Variants in RASGRF1 observed in about 807,000 individuals in gnomAD.
The protein encoded by RASGRF1 is Ras protein specific guanine nucleotide releasing factor 1, also known as ras-specific guanine nucleotide-releasing factor 1.
Under a neutral mutation model 138.7 loss-of-function variants are expected in RASGRF1, and 40 were observed. The observed-to-expected ratio is 0.29, with a 90% CI of 0.22 to 0.38. RASGRF1 has a LOEUF of 0.38. Among genes scored for constraint, RASGRF1 ranks in the 10% least tolerant of loss-of-function variants. RASGRF1 has a pLI of 1.00. For missense variants in RASGRF1, 1,108 were observed against 1,650.4 expected (o/e 0.67, Z 5.69); for synonymous variants, 614 against 663.2 (o/e 0.93, Z 1.14).
At chr15:78,978,481 T>C (rs1260477759) in intron 24 of RASGRF1, 2 of 960,986 alleles carry the variant, frequency 2.1e-6, no homozygotes, top group Non-Finnish European at 2.5e-6. Flanking sequence ...CACCTCGGCC[T>C]CCTAAAGTGC....
chr15:79,022,695 A>T (rs1192010046), intron 10 of RASGRF1, among the ~76,000 whole-genome samples: 2 of 152,172 alleles, frequency 1.3e-5, no homozygotes, highest in African/African-American at 2.4e-5. Flanking sequence ...ATTTGGTTAA[A>T]ACAGAAGTAT....
chr15:78,997,756 A>G (rs1003738472), intron 19 of RASGRF1, among the ~76,000 whole-genome samples: 5 of 138,546 alleles, frequency 3.6e-5, no homozygotes, highest in Admixed American at 7.2e-5. Context: ...AAAAAAAAAG[A>G]TTTAAATAGC....
intron 14 of RASGRF1, chr15:79,005,040 GC>G: frequency 1.0e-6 from 1 of 985,544 alleles, no homozygotes; most frequent in African/African-American, 1.7e-5. Flanking sequence ...TGTCTGCTGG[GC>G]CCCTGGGAAT....
At chr15:79,053,134 G>A (rs570785010) in intron 3 of RASGRF1, among the ~76,000 whole-genome samples, 6 of 152,100 alleles carry the variant, frequency 3.9e-5, no homozygotes, top group African/African-American at 7.2e-5. Flanking sequence ...GTGTGGTGGC[G>A]CACACCTGTA....
chr15:78,987,674 C>T (rs145368568), intron 22 of RASGRF1, among the ~76,000 whole-genome samples: 6,142 of 152,000 alleles, frequency 0.04, 195 homozygotes, highest in African/African-American at 0.074. Flanking sequence ...CCAGCCTGGG[C>T]GACAGAGGGA....
chr15:79,045,207 G>A (rs1332975946), intron 5 of RASGRF1, among the ~76,000 whole-genome samples: 1 of 152,308 alleles, frequency 6.6e-6, no homozygotes, highest in Non-Finnish European at 1.5e-5. Flanking sequence ...GCACCTGCAA[G>A]CTTGTTGGAA....
chr15:79,029,546 G>A (rs536992891), intron 8 of RASGRF1, among the ~76,000 whole-genome samples: 1 of 152,098 alleles, frequency 6.6e-6, no homozygotes, highest in South Asian at 2.1e-4. Flanking sequence ...GGAGTTTCAA[G>A]GTCGCGAGGC....
Position 79,051,301 on chromosome 15 carries a change from G to A in RASGRF1, c.532-1713C>T, listed in dbSNP as rs531469756. On this transcript the variant is annotated intron_variant, in intron 3 of 26. Coordinates refer to ENST00000558480, the MANE Select transcript of RASGRF1 (RefSeq NM_001145648.3). The stretch of plus-strand genomic sequence containing the variant: ...GGTTGCTAAAATTACCGCAGCCTGT[G>A]ATTGAAGAGTGGCTGAAAATATCTA... Among the ~76,000 whole-genome samples the A allele has an allele frequency of 3.3e-5, 5 of 152,336 alleles. No homozygotes were observed. The South Asian group carries it at 1.0e-3, about 32-fold the overall frequency.
intron 1 of RASGRF1, among the ~76,000 whole-genome samples, chr15:79,089,888 G>T (rs540522603): frequency 1.6e-4 from 24 of 152,322 alleles, no homozygotes; most frequent in South Asian, 4.1e-4. Context: ...TTGGCTGGAC[G>T]TGTGTCCAGA....
intron 26 of RASGRF1, among the ~76,000 whole-genome samples, chr15:78,963,897 A>G (rs2055594147): frequency 6.6e-6 from 1 of 152,208 alleles, no homozygotes; most frequent in African/African-American, 2.4e-5. Flanking sequence ...TAGTAGTGTC[A>G]TGTGAACAGT....
chr15:79,004,623 C>T, intron 14 of RASGRF1: 1 of 987,804 alleles, frequency 1.0e-6, no homozygotes, highest in Non-Finnish European at 1.2e-6. Flanking sequence ...CTGATGCCTC[C>T]TACTCTAAAC....
intron 8 of RASGRF1, among the ~76,000 whole-genome samples, chr15:79,029,447 G>A (rs1057350083): frequency 2.0e-5 from 3 of 152,282 alleles, no homozygotes; most frequent in Non-Finnish European, 4.4e-5. Flanking sequence ...AGCAGCTGCA[G>A]TTTACACATT....
intron 17 of RASGRF1, 56 bp from the exon 18 acceptor site, chr15:78,998,881 T>A: frequency 7.1e-7 from 1 of 1,413,598 alleles, no homozygotes; most frequent in Non-Finnish European, 1.0e-6. Context: ...GAAACAGAGC[T>A]TGACACTAGT....
intron 13 of RASGRF1, among the ~76,000 whole-genome samples, chr15:79,011,251 C>G (rs2056790184): frequency 6.6e-6 from 1 of 152,088 alleles, no homozygotes; most frequent in Non-Finnish European, 1.5e-5. Context: ...CCATCTTTCA[C>G]TATGTCATGT....
chr15:78,990,123 C>T lies in RASGRF1; in HGVS notation c.3216+66G>A, dbSNP rs779097443. ...AGCCAGGTGTATAGCCCGTTCTCTA[C>T]CCAGCCTCTTGAGCGTCTTGCCAAA... On this transcript the variant is annotated intron_variant, in intron 22 of 26. Transcript: ENST00000558480. The T allele has an allele frequency of 6.2e-6, 8 of 1,300,226 alleles. No individual in the cohort carries two copies. In the South Asian group the frequency reaches 8.2e-5, roughly 13 times the overall value. 80.5% of individuals were successfully genotyped at this position (1,300,226 alleles called of 1,614,324 possible).
chr15:79,036,872 A>G (rs534152890), intron 5 of RASGRF1, among the ~76,000 whole-genome samples: 1 of 152,288 alleles, frequency 6.6e-6, no homozygotes, highest in Non-Finnish European at 1.5e-5. Context: ...TAGCAACTGC[A>G]TTCCAGAGAA....
intron 19 of RASGRF1, 120 bp downstream of exon 19, chr15:78,997,976 G>T: frequency 1.3e-6 from 1 of 796,322 alleles, no homozygotes; most frequent in Non-Finnish European, 2.1e-6. Context: ...CCTACTTGGG[G>T]CTGTCCTTGA....
chr15:79,032,157 G>C lies in RASGRF1; in HGVS notation c.1118C>G (p.Thr373Arg), dbSNP rs377667540. ...GGGGTAGGTGAGGAAGGTCTCCAGCGTCCTCTCCTCGCAGTCAGGCTTGGC... is the reference window on the plus strand; with the variant it reads ...GGGGTAGGTGAGGAAGGTCTCCAGCCTCCTCTCCTCGCAGTCAGGCTTGGC... ...YEAKPDCEER[T>R]LETFLTYPMF... Residue 373 changes from threonine to arginine, a missense_variant, in exon 7 of 27, where the codon ACG becomes AGG. Physicochemically the swap from Thr to Arg is moderately conservative, Grantham distance 71 (BLOSUM62 -1). This residue lies in a region of RASGRF1 where 169 missense variants were observed against 344.2 expected (regional missense o/e 0.49). Coordinates refer to ENST00000558480, the MANE Select transcript of RASGRF1 (RefSeq NM_001145648.3). This position sits in a 1 kb window ranked among gnomAD's most constrained non-coding sequence, Gnocchi z 4.5. 1.2e-6 allele frequency: 2 copies of C among 1,613,988 alleles called. No individual in the cohort carries two copies. Among genetic ancestry groups the C allele is most frequent in the Non-Finnish European group, 1.7e-6 (2 of 1,179,926 alleles).
chr15:79,055,276 T>G (rs924937244), intron 3 of RASGRF1, among the ~76,000 whole-genome samples: 1 of 152,068 alleles, frequency 6.6e-6, no homozygotes, highest in Non-Finnish European at 1.5e-5. Flanking sequence ...TGGCCACTCC[T>G]CAAGAATGAG....
Sources: allele counts gnomAD v4.1 joint callset (sites outside exome capture counted in the v4.1 genomes callset), GRCh38; gene constraint gnomAD v4.1.1; regional missense constraint gnomAD v4.1.1; non-coding constraint Gnocchi (gnomAD v3.1); transcripts MANE v1.5; gene names NCBI Gene and HGNC (gene_info 2026-07-23, HGNC 2026-07-21).